Variants in DOK6 observed in about 807,000 individuals in gnomAD.
DOK6 encodes downstream of tyrosine kinase 6.
A neutral mutation model predicts 44.0 loss-of-function variants in DOK6; 22 were observed. That is an observed-to-expected ratio of 0.50 (90% CI 0.36 to 0.71). The LOEUF is 0.71. DOK6 is among the 30% of genes least tolerant of loss of function. DOK6 has a pLI of 0.00. For missense variants in DOK6, 340 were observed against 416.4 expected (o/e 0.82, Z 1.60); for synonymous variants, 166 against 145.5 (o/e 1.14, Z -1.01).
intron 7 of DOK6, among the ~76,000 whole-genome samples, chr18:69,764,314 T>C (rs1287127873): frequency 6.6e-6 from 1 of 152,162 alleles, no homozygotes; most frequent in Non-Finnish European, 1.5e-5. Flanking sequence ...ACGTGATGAC[T>C]AAACTTTCTC....
intron 3 of DOK6, among the ~76,000 whole-genome samples, chr18:69,618,195 C>G (rs73973504): frequency 3.5e-4 from 54 of 152,294 alleles, no homozygotes; most frequent in African/African-American, 1.2e-3. Context: ...TCCTAGAGAA[C>G]TGTGACAGAA....
chr18:69,490,028 T>C (rs1245792022), intron 1 of DOK6, among the ~76,000 whole-genome samples: 1 of 152,188 alleles, frequency 6.6e-6, no homozygotes, highest in Non-Finnish European at 1.5e-5. Context: ...GTTTTACATA[T>C]TCAGAAGACA....
chr18:69,458,173 A>G (rs1012280814), intron 1 of DOK6, among the ~76,000 whole-genome samples: 1 of 152,204 alleles, frequency 6.6e-6, no homozygotes, highest in East Asian at 1.9e-4. Flanking sequence ...AAACAAAAAC[A>G]AAACGAAACA....
chr18:69,502,388 G>T (rs1309914898), intron 1 of DOK6, among the ~76,000 whole-genome samples: 1 of 151,904 alleles, frequency 6.6e-6, no homozygotes, highest in Non-Finnish European at 1.5e-5. Context: ...AATGAGGGTG[G>T]CTGCTAATAT....
intron 3 of DOK6, among the ~76,000 whole-genome samples, chr18:69,638,987 GTTTTTTC>G (rs926067570): frequency 1.3e-5 from 2 of 152,180 alleles, no homozygotes; most frequent in African/African-American, 4.8e-5. Flanking sequence ...AGGTCTTTTT[GTTTTTTC>G]TTTTTTTATA....
chr18:69,434,778 T>C (rs1273334020), intron 1 of DOK6, among the ~76,000 whole-genome samples: 4 of 150,578 alleles, frequency 2.7e-5, no homozygotes, highest in African/African-American at 4.9e-5. Context: ...AAAAATTAGC[T>C]AGGCACTGTG....
At chr18:69,781,033 C>T (rs1980248650) in intron 7 of DOK6, among the ~76,000 whole-genome samples, 1 of 152,140 alleles carries the variant, frequency 6.6e-6, no homozygotes, top group African/African-American at 2.4e-5. Context: ...TTATGGTGCA[C>T]ACTGTGTCTT....
intron 7 of DOK6, among the ~76,000 whole-genome samples, chr18:69,807,474 A>C (rs1028378244): frequency 6.6e-6 from 1 of 151,962 alleles, no homozygotes; most frequent in African/African-American, 2.4e-5. Context: ...AAATAGATTA[A>C]AATTGTCAAT....
At chr18:69,776,401 T>A (rs1350329985) in intron 7 of DOK6, among the ~76,000 whole-genome samples, 2 of 151,988 alleles carry the variant, frequency 1.3e-5, no homozygotes, top group Non-Finnish European at 2.9e-5. Context: ...AACACGTCTG[T>A]AAGATCTTTA....
At chr18:69,509,664 C>A (rs200787186) in intron 1 of DOK6, among the ~76,000 whole-genome samples, 1,008 of 71,082 alleles carry the variant, frequency 0.014, 3 homozygotes, top group African/African-American at 0.023. Flanking sequence ...AAAAAAAAAA[C>A]ACACAAGTCA....
chr18:69,773,356 T>A (rs773813592), intron 7 of DOK6, among the ~76,000 whole-genome samples: 1 of 151,850 alleles, frequency 6.6e-6, no homozygotes, highest in Non-Finnish European at 1.5e-5. Flanking sequence ...TCAAAAAAAA[T>A]ATGAAAGTAG....
chr18:69,664,416 T>C lies in DOK6; in HGVS notation c.290-13318T>C, dbSNP rs139530496. Among the ~76,000 whole-genome samples, 123 of 152,322 alleles carry C rather than the reference T, an allele frequency of 8.1e-4. 1 individual carries two copies. The highest frequency in any genetic ancestry group is 2.7e-3 in the African/African-American group (114 of 41,564). On this transcript the variant is annotated intron_variant, in intron 3 of 7. Transcript: ENST00000382713. ...TGGAACATGTAAATCTTAATGATCA[T>C]CTTTATGCAAATTATCAGAATAATT...
chr18:69,584,854 T>C (rs1983463153), intron 2 of DOK6, among the ~76,000 whole-genome samples: 1 of 152,144 alleles, frequency 6.6e-6, no homozygotes, highest in Non-Finnish European at 1.5e-5. Context: ...GTTTTTAAGT[T>C]AATTAATATA....
chr18:69,511,048 A>C (rs968150686), intron 1 of DOK6, among the ~76,000 whole-genome samples: 1 of 152,204 alleles, frequency 6.6e-6, no homozygotes, highest in African/African-American at 2.4e-5. Flanking sequence ...TAACAGAAGC[A>C]ATGAATTTTG....
chr18:69,641,826 G>C (rs1159257171), intron 3 of DOK6, among the ~76,000 whole-genome samples: 1 of 151,754 alleles, frequency 6.6e-6, no homozygotes, highest in Non-Finnish European at 1.5e-5. Flanking sequence ...GCAGCAGTGT[G>C]GAAAACACAC....
At position 69,435,041 on chromosome 18, in the gene DOK6, A is replaced by ACGGAC. The variant is rs1568256532; in HGVS notation, c.66+33731_66+33732insCGGAC. On this transcript the variant is annotated intron_variant, in intron 1 of 7. Transcript: ENST00000382713. ...AGGGAGGGAGGGAAGGAAGGAAGGA[A>ACGGAC]GGAAGGAAGGAAGGAAGGAAGGAAG... Among the ~76,000 whole-genome samples, 82 of 43,434 alleles carry ACGGAC rather than the reference A, an allele frequency of 1.9e-3. 2 individuals are homozygous for ACGGAC. The highest frequency in any genetic ancestry group is 4.6e-3 in the African/African-American group (77 of 16,628). 28.5% of individuals were successfully genotyped at this position (43,434 alleles called of 152,430 possible).
chr18:69,404,367 A>G (rs2122379022), intron 1 of DOK6, among the ~76,000 whole-genome samples: 1 of 152,314 alleles, frequency 6.6e-6, no homozygotes, highest in African/African-American at 2.4e-5. Flanking sequence ...AAGAAGTAAA[A>G]TTTAGTAAGC....
chr18:69,573,607 G>C (rs1048690270), intron 2 of DOK6, among the ~76,000 whole-genome samples: 5 of 151,836 alleles, frequency 3.3e-5, no homozygotes, highest in Middle Eastern at 3.4e-3. Flanking sequence ...AATAACATAG[G>C]CATGATTCAT....
At position 69,428,937 on chromosome 18, in the gene DOK6, G is replaced by A. The variant is rs568595767; in HGVS notation, c.66+27627G>A. Among the ~76,000 whole-genome samples the A allele has an allele frequency of 5.3e-5, 8 of 152,256 alleles. No individual in the cohort carries two copies. In the East Asian group the frequency reaches 5.8e-4, roughly 11 times the overall value. ...TTCCTTATAGGCACCTACGTGATAC[G>A]TGGAAAAGAAATCTGCAAAATCAAA... On this transcript the variant is annotated intron_variant, in intron 1 of 7. Coordinates refer to ENST00000382713, the MANE Select transcript of DOK6 (RefSeq NM_152721.6).
Sources: gnomAD v4.1 joint callset for allele counts (sites outside exome capture counted in the v4.1 genomes callset) on GRCh38, gnomAD v4.1.1 for gene constraint, MANE v1.5 for transcripts, NCBI Gene and HGNC (gene_info 2026-07-23, HGNC 2026-07-21) for gene names.